SHH: variants seen among roughly 807,000 people sequenced by gnomAD.
SHH encodes sonic hedgehog signaling molecule, also known as sonic hedgehog protein.
In SHH, 3 loss-of-function variants were observed where a neutral mutation model predicts 16.6. The ratio of observed to expected loss-of-function variants is 0.18; its 90% CI spans 0.08 to 0.47. The LOEUF (loss-of-function observed/expected upper bound fraction) is 0.47, where lower values mean the gene tolerates loss of function less well. Among genes scored for constraint, SHH ranks in the 20% least tolerant of loss-of-function variants. SHH has a pLI of 0.98. For synonymous variants in SHH, 351 were observed against 316.2 expected (o/e 1.11, Z -1.17); for missense variants, 499 against 665.0 (o/e 0.75, Z 2.75).
In SHH at chr7:155,809,928, C is replaced by T. The variant is rs1038627338; in HGVS notation, c.300+1895G>A. On this transcript the variant is annotated intron_variant, in intron 1 of 2. Coordinates refer to ENST00000297261, the MANE Select transcript of SHH (RefSeq NM_000193.4). This position sits in a 1 kb window ranked among gnomAD's most constrained non-coding sequence, Gnocchi z 6.1. ...CTGGGGATGGGGGCGCGTCCCAGGG[C>T]AGGCCGGCGGAGCCCGCGATGCGCC... 6.6e-6 allele frequency among the ~76,000 whole-genome samples: 1 copy of T among 151,554 alleles called. No individual in the cohort carries two copies. Among genetic ancestry groups the T allele is most frequent in the Admixed American group, 6.6e-5 (1 of 15,206 alleles).
At chr7:155,806,721 G>A (rs1312237813) in intron 1 of SHH, 164 bp from the exon 2 acceptor site, 2 of 846,756 alleles carry the variant, frequency 2.4e-6, no homozygotes, top group Admixed American at 2.0e-5. Context: ...CGAAGAGCCG[G>A]GCCCTGGGCT....
rs1803541439 is a variant in SHH, at chr7:155,812,320, C to T, written c.-198G>A. The T allele has an allele frequency of 8.0e-6, 5 of 621,246 alleles. No individual in the cohort carries two copies. Among genetic ancestry groups the T allele is most frequent in the Admixed American group, 5.0e-5 (2 of 39,974 alleles). 38.5% of individuals were successfully genotyped at this position (621,246 alleles called of 1,614,324 possible). On this transcript the variant is annotated 5_prime_UTR_variant, in exon 1 of 3. Transcript: ENST00000297261. ...TTGCCCGCCGCGGCTGCGGGGGACT[C>T]TCCACCGCTCCCCACCCAGACAGGG...
Position 155,802,941 on chromosome 7 carries a change from C to T in SHH, c.1348G>A (p.Glu450Lys). The T allele has an allele frequency of 6.6e-7, 1 of 1,526,266 alleles. No homozygotes were observed. The highest frequency in any genetic ancestry group is 8.8e-7 in the Non-Finnish European group (1 of 1,133,360). 94.5% of individuals were successfully genotyped at this position (1,526,266 alleles called of 1,614,324 possible). ...YQIGTWLLDS[E>K]ALHPLGMAVK... ...GCCATGCCCAGCGGGTGCAGGGCCTCGCTGTCCAGGAGCCAGGTGCCTATT... is the reference window on the plus strand; with the variant it reads ...GCCATGCCCAGCGGGTGCAGGGCCTTGCTGTCCAGGAGCCAGGTGCCTATT... The change falls in exon 3 of 3, where the codon GAG becomes AAG. Residue 450 changes from glutamate to lysine, a missense_variant. Glu to Lys is a moderately conservative substitution (Grantham distance 56, BLOSUM62 1). This residue lies in a region of SHH where 299 missense variants were observed against 301.1 expected (regional missense o/e 0.99). Transcript: ENST00000297261.
At chr7:155,806,146 G>A in intron 2 of SHH, 150 bp downstream of exon 2, 1 of 940,642 alleles carries the variant, frequency 1.1e-6, no homozygotes, top group South Asian at 1.4e-5. Context: ...GCACCTCACA[G>A]GGCAGGTTCC....
Position 155,802,913 on chromosome 7 carries a change from A to G in SHH, c.1376T>C (p.Val459Ala), listed in dbSNP as rs1188238529. Residue 459 changes from valine (V) to alanine (A), a missense_variant, in exon 3 of 3, where the codon GTC becomes GCC. Val to Ala is a moderately conservative substitution (Grantham distance 64). This residue lies in a region of SHH where 299 missense variants were observed against 301.1 expected (regional missense o/e 0.99). Transcript: ENST00000297261. ...GGCCCCCCGGCTTCAGCTGGACTTGACCGCCATGCCCAGCGGGTGCAGGGC... is the reference window on the plus strand; with the variant it reads ...GGCCCCCCGGCTTCAGCTGGACTTGGCCGCCATGCCCAGCGGGTGCAGGGC... ...SEALHPLGMA[V>A]KSS The G allele has an allele frequency of 1.6e-6, 2 of 1,272,904 alleles. No homozygotes were observed. Among genetic ancestry groups the G allele is most frequent in the Non-Finnish European group, 1.0e-6 (1 of 981,282 alleles). The allele number at this position is 1,272,904 out of a possible 1,614,324, so 78.9% of individuals were successfully genotyped here. A position where few individuals can be genotyped will look rare whatever the true frequency, so the allele number is the denominator to read the frequency against.
In SHH at chr7:155,803,746, AAAG is replaced by A. The variant is rs768436044; in HGVS notation, c.563-23_563-21del. The stretch of plus-strand genomic sequence containing the variant: ...AGTTCTCTGCGGGTGAGGAGAAGGG[AAAG>A]AAGAGAGGACAGGGCATTGAGTTCC... On this transcript the variant is annotated intron_variant, in intron 2 of 2. Transcript: ENST00000297261. The A allele has an allele frequency of 6.3e-7, 1 of 1,584,698 alleles. No homozygotes were observed. The highest frequency in any genetic ancestry group is 1.1e-5 in the South Asian group (1 of 90,642).
chr7:155,810,337 G>A, intron 1 of SHH, among the ~76,000 whole-genome samples: 1 of 152,224 alleles, frequency 6.6e-6, no homozygotes. Context: ...CGCTCTCTCC[G>A]CAGTGCCTCC....
At chr7:155,806,875 C>T in intron 1 of SHH, 2 of 470,684 alleles carry the variant, frequency 4.2e-6, no homozygotes, top group East Asian at 4.3e-5. Context: ...AAACAAGTGA[C>T]CTGCATGTTT....
chr7:155,803,348 C>A lies in SHH; in HGVS notation c.941G>T (p.Arg314Leu). The A allele has an allele frequency of 6.8e-7, 1 of 1,464,062 alleles. No homozygotes were observed. Among genetic ancestry groups the A allele is most frequent in the East Asian group, 2.9e-5 (1 of 34,834 alleles). The allele number at this position is 1,464,062 out of a possible 1,614,324, so 90.7% of individuals were successfully genotyped here. ...LFASRVRPGQ[R>L]VYVVAERDGD... is the part of the protein sequence containing the mutation. ...GTCACGCTCGGCCACCACGTACACG[C>A]GCTGGCCCGGGCGCACGCGGCTGGC... Residue 314 changes from arginine (R) to leucine (L), a missense_variant, in exon 3 of 3, where the codon CGC (arginine) becomes CTC (leucine). By Grantham distance (102) the Arg-to-Leu change is moderately radical. Transcript: ENST00000297261.
chr7:155,809,276 G>A lies in SHH; in HGVS notation c.300+2547C>T. Among the ~76,000 whole-genome samples the A allele has an allele frequency of 6.6e-6, 1 of 152,192 alleles. No homozygotes were observed. Among genetic ancestry groups the A allele is most frequent in the Non-Finnish European group, 1.5e-5 (1 of 68,034 alleles). On this transcript the variant is annotated intron_variant, in intron 1 of 2. Transcript: ENST00000297261. The surrounding 1 kb of genome is among the most constrained non-coding windows in gnomAD (Gnocchi z 6.1). The stretch of plus-strand genomic sequence containing the variant: ...CCATGGTTGAGGGACTTGGGCGGCA[G>A]TCACATTAGAGACCCAGAGACAGGG...
chr7:155,800,455 C>T lies in SHH; in HGVS notation c.*2445G>A, dbSNP rs529017647. On this transcript the variant is annotated 3_prime_UTR_variant, in exon 3 of 3. Coordinates refer to ENST00000297261, the MANE Select transcript of SHH (RefSeq NM_000193.4). Reference sequence around the variant, plus strand: ...AGCAGAGTTGCACCATGGCCTCAGGCACCTTGGGGCTTGGTCAACGCCTGG... The same window carrying T: ...AGCAGAGTTGCACCATGGCCTCAGGTACCTTGGGGCTTGGTCAACGCCTGG... 2.3e-6 allele frequency: 1 copy of T among 430,080 alleles called. No homozygotes were observed. The highest frequency in any genetic ancestry group is 2.0e-5 in the African/African-American group (1 of 49,036). 26.6% of individuals were successfully genotyped at this position (430,080 alleles called of 1,614,324 possible). A position where few individuals can be genotyped will look rare whatever the true frequency, so the allele number is the denominator to read the frequency against.
chr7:155,810,679 A>C (rs1185994520), intron 1 of SHH, among the ~76,000 whole-genome samples: 1 of 152,222 alleles, frequency 6.6e-6, no homozygotes, highest in Non-Finnish European at 1.5e-5. Context: ...CAAGCCTGGG[A>C]ATCGGGTCGG....
intron 2 of SHH, 39 bp downstream of exon 2, chr7:155,806,257 C>G: frequency 6.2e-7 from 1 of 1,612,726 alleles, no homozygotes; most frequent in Non-Finnish European, 8.5e-7. Flanking sequence ...CGCCAATGGC[C>G]TTCCTTGGGT....
At chr7:155,806,667 T>G (rs559003084) in intron 1 of SHH, 110 bp from the exon 2 acceptor site, 54 of 1,370,614 alleles carry the variant, frequency 3.9e-5, no homozygotes, top group Admixed American at 3.4e-4. Flanking sequence ...GCGAGGGCCA[T>G]GCGGAGAGGT....
Position 155,803,248 on chromosome 7 carries a change from C to A in SHH, c.1041G>T (p.Pro347=). The change falls in exon 3 of 3, where the codon CCG becomes CCT. Residue 347 remains proline, a synonymous_variant. Transcript: ENST00000297261. ...TGAGAATGGTGCCCTGGGCCGTGAG[C>A]GGCGCGTAGGCGCCCGCGGCCTCCT... The part of the protein sequence containing the change: ...LSEEAAGAYA[P]LTAQGTILIN... The A allele has an allele frequency of 2.6e-6, 4 of 1,518,436 alleles. No homozygotes were observed. The South Asian group carries it at 4.9e-5, about 19-fold the overall frequency. 94.1% of individuals were successfully genotyped at this position (1,518,436 alleles called of 1,614,324 possible).
rs1418447839 is a variant in SHH at position 155,802,121 on chromosome 7, A to AGT, written c.*777_*778dup. 2 of 150,878 alleles carry AGT rather than the reference A, an allele frequency of 1.3e-5. No individual in the cohort carries two copies. Among genetic ancestry groups the AGT allele is most frequent in the African/African-American group, 4.9e-5 (2 of 41,168 alleles). 9.3% of individuals were successfully genotyped at this position (150,878 alleles called of 1,614,324 possible). On this transcript the variant is annotated 3_prime_UTR_variant, in exon 3 of 3. Transcript: ENST00000297261. ...AAAAAGAAAAGAAAAGAAAAAGAAAAGTGTGTGTGTATGTTGTGTGTGTAA... is the reference window on the plus strand; with the variant it reads ...AAAAAGAAAAGAAAAGAAAAAGAAAAGTGTGTGTGTGTATGTTGTGTGTGTAA...
chr7:155,803,672 T>A lies in SHH; in HGVS notation c.617A>T (p.His206Leu). 1.9e-6 allele frequency: 3 copies of A among 1,597,766 alleles called. No homozygotes were observed. Among genetic ancestry groups the A allele is most frequent in the Non-Finnish European group, 2.5e-6 (3 of 1,179,362 alleles). Reference sequence around the variant, plus strand: ...CAGCTTGGTGCCGCCCTGCTCCAGGTGCACCGTGGCCGAGCCCGGGAAGCA... The same window carrying A: ...CAGCTTGGTGCCGCCCTGCTCCAGGAGCACCGTGGCCGAGCCCGGGAAGCA... Reference protein sequence around the residue: ...GGCFPGSATVHLEQGGTKLVK... With the variant: ...GGCFPGSATVLLEQGGTKLVK... The change falls in exon 3 of 3, where the codon CAC (histidine) becomes CTC (leucine). Residue 206 changes from histidine to leucine, a missense_variant. By Grantham distance (99) the His-to-Leu change is moderately conservative. This residue lies in a region of SHH where 114 missense variants were observed against 200.4 expected (regional missense o/e 0.57). Coordinates refer to ENST00000297261, the MANE Select transcript of SHH (RefSeq NM_000193.4).
chr7:155,808,483 G>A (rs1695889863), intron 1 of SHH, among the ~76,000 whole-genome samples: 1 of 152,240 alleles, frequency 6.6e-6, no homozygotes, highest in African/African-American at 2.4e-5. Flanking sequence ...GGAGGACCCC[G>A]GGCAGGGAGA....
At position 155,812,081 on chromosome 7, in the gene SHH, G is replaced by A; in HGVS notation, c.42C>T (p.Ser14=). ...LARCLLLVLV[S]SLLVCSGLAC... is the part of the protein sequence containing the mutation. ...CCAGTCCCGAGCATACCAGCAGCGA[G>A]GAGACGAGGACTAGCAGCAGACATC... Residue 14 remains serine, a synonymous_variant, in exon 1 of 3, where the codon TCC becomes TCT. Coordinates refer to ENST00000297261, the MANE Select transcript of SHH (RefSeq NM_000193.4). 2 of 1,614,214 alleles carry A rather than the reference G, an allele frequency of 1.2e-6. No individual in the cohort carries two copies. The highest frequency in any genetic ancestry group is 1.1e-5 in the South Asian group (1 of 91,086).
Sources: gnomAD v4.1 joint callset for allele counts (sites outside exome capture counted in the v4.1 genomes callset) on GRCh38, gnomAD v4.1.1 for gene constraint, gnomAD v4.1.1 regional missense constraint, Gnocchi (gnomAD v3.1) non-coding constraint, MANE v1.5 for transcripts, NCBI Gene and HGNC (gene_info 2026-07-23, HGNC 2026-07-21) for gene names.